The following CCDC7 variants were observed in gnomAD, a reference collection of about 807,000 sequenced individuals.
CCDC7 encodes coiled-coil domain containing 7.
Under a neutral mutation model 196.9 loss-of-function variants are expected in CCDC7, and 183 were observed. The observed-to-expected ratio is 0.93, with a 90% CI of 0.82 to 1.05. CCDC7 has a LOEUF of 1.05. Among genes scored for constraint, CCDC7 ranks in the 50% least tolerant of loss-of-function variants. The pLI is 0.00. For missense variants in CCDC7, 1,540 were observed against 1,482.2 expected (o/e 1.04, Z -0.64); for synonymous variants, 525 against 484.6 (o/e 1.08, Z -1.10).
At position 32,474,926 on chromosome 10, in the gene CCDC7, G is replaced by T. The variant is rs2038688491; in HGVS notation, c.796+903G>T. ...GGAATTCTGCCCTCTTTCAACTTCA[G>T]CTTTAAACCCAAACGTTGCCATGTT... On this transcript the variant is annotated intron_variant, in intron 8 of 41. Transcript: ENST00000639629. 3.3e-5 allele frequency among the ~76,000 whole-genome samples: 5 copies of T among 152,244 alleles called. No individual in the cohort carries two copies. The South Asian group carries it at 1.0e-3, about 32-fold the overall frequency.
At chr10:32,807,216 A>T (rs1338488936) in intron 30 of CCDC7, among the ~76,000 whole-genome samples, 1 of 152,232 alleles carries the variant, frequency 6.6e-6, no homozygotes, top group Non-Finnish European at 1.5e-5. Flanking sequence ...CTGAAAGACC[A>T]TATAAATATA....
At chr10:32,603,178 TCATA>T (rs1477070727) in intron 18 of CCDC7, among the ~76,000 whole-genome samples, 4 of 151,634 alleles carry the variant, frequency 2.6e-5, no homozygotes, top group Non-Finnish European at 5.9e-5. Context: ...TTTTTTTAGC[TCATA>T]CATAAGAATG....
chr10:32,454,377 C>G (rs1038991714), intron 2 of CCDC7, among the ~76,000 whole-genome samples: 7 of 152,026 alleles, frequency 4.6e-5, no homozygotes, highest in African/African-American at 1.5e-4. Flanking sequence ...AGAACCAAAA[C>G]TAAAATCTGA....
At chr10:32,822,651 G>A (rs1355072706) in intron 31 of CCDC7, among the ~76,000 whole-genome samples, 2 of 152,042 alleles carry the variant, frequency 1.3e-5, no homozygotes, top group African/African-American at 2.4e-5. Flanking sequence ...AAGGAGTAAT[G>A]TTTCTGTATC....
chr10:32,839,409 A>G (rs1186241456), intron 33 of CCDC7, among the ~76,000 whole-genome samples: 1 of 151,962 alleles, frequency 6.6e-6, no homozygotes, highest in Non-Finnish European at 1.5e-5. Flanking sequence ...TAAAAATGAC[A>G]AAGAGGGACA....
chr10:32,833,974 C>T (rs960799438), intron 32 of CCDC7, among the ~76,000 whole-genome samples: 1 of 152,092 alleles, frequency 6.6e-6, no homozygotes, highest in Non-Finnish European at 1.5e-5. Flanking sequence ...GATGGCAAAG[C>T]TTCATAAATC....
At chr10:32,644,863 A>G (rs961520820) in intron 20 of CCDC7, among the ~76,000 whole-genome samples, 4 of 152,184 alleles carry the variant, frequency 2.6e-5, no homozygotes, top group African/African-American at 9.7e-5. Flanking sequence ...TTGCCCAGTT[A>G]CAGATCTGTC....
Position 32,597,027 on chromosome 10 carries a change from A to G in CCDC7, c.1801+12723A>G, listed in dbSNP as rs375461556. On this transcript the variant is annotated intron_variant, in intron 18 of 41. Coordinates refer to ENST00000639629, the Ensembl canonical transcript of CCDC7. ...CTTGGGGTTGCTCTTCTCAAGGAAT[A>G]TCTTTGTGGCGTTCTCTGTATTTCC... is the stretch of plus-strand genomic sequence containing the variant. Among the ~76,000 whole-genome samples the G allele has an allele frequency of 2.0e-5, 3 of 152,098 alleles. No individual in the cohort carries two copies. In the East Asian group the frequency reaches 5.8e-4, roughly 29 times the overall value.
chr10:32,776,136 T>C, intron 28 of CCDC7, among the ~76,000 whole-genome samples: 1 of 140,194 alleles, frequency 7.1e-6, no homozygotes, highest in East Asian at 2.1e-4. Flanking sequence ...TGTGGTGGGG[T>C]GGGGGAATGG....
intron 9 of CCDC7, chr10:32,511,254 T>TGG (rs1167793491): frequency 9.8e-5 from 58 of 593,882 alleles, no homozygotes; most frequent in Middle Eastern, 4.4e-4. Flanking sequence ...AATTATTCTG[T>TGG]GGGGGGCGGG....
intron 41 of CCDC7, among the ~76,000 whole-genome samples, chr10:32,860,832 AC>A (rs1195971234): frequency 6.6e-6 from 1 of 152,142 alleles, no homozygotes; most frequent in East Asian, 1.9e-4. Flanking sequence ...AGAATCAAAT[AC>A]CTAGGAATCC....
chr10:32,473,203 G>T (rs192026941), intron 7 of CCDC7, among the ~76,000 whole-genome samples: 1 of 152,090 alleles, frequency 6.6e-6, no homozygotes, highest in Non-Finnish European at 1.5e-5. Flanking sequence ...AATTTGCATT[G>T]GGTCCACAGA....
intron 18 of CCDC7, among the ~76,000 whole-genome samples, chr10:32,601,513 C>T (rs552485417): frequency 4.5e-4 from 68 of 152,274 alleles, no homozygotes; most frequent in Admixed American, 7.2e-4. Context: ...TTGGAGCTTT[C>T]TATTCCACCA....
chr10:32,699,191 C>A (rs980462075), intron 24 of CCDC7, among the ~76,000 whole-genome samples: 2 of 142,746 alleles, frequency 1.4e-5, no homozygotes, highest in African/African-American at 5.2e-5. Flanking sequence ...TCTCTTAATG[C>A]TAGCCCTCCC....
At chr10:32,552,617 A>G (rs575801425) in intron 13 of CCDC7, among the ~76,000 whole-genome samples, 6 of 152,130 alleles carry the variant, frequency 3.9e-5, no homozygotes, top group African/African-American at 1.4e-4. Flanking sequence ...TGGCTTGGTA[A>G]TGGCGAATTC....
intron 21 of CCDC7, among the ~76,000 whole-genome samples, chr10:32,667,219 T>A (rs2072980662): frequency 6.6e-6 from 1 of 152,214 alleles, no homozygotes; most frequent in Non-Finnish European, 1.5e-5. Flanking sequence ...TAGGTTTGTT[T>A]GATTTTTTCT....
At chr10:32,646,612 T>TG (rs1219125956) in intron 20 of CCDC7, among the ~76,000 whole-genome samples, 3 of 152,122 alleles carry the variant, frequency 2.0e-5, no homozygotes, top group Non-Finnish European at 2.9e-5. Flanking sequence ...GATAAAGGTG[T>TG]GGGGGGTTAC....
chr10:32,732,350 G>GGAGA, intron 28 of CCDC7, among the ~76,000 whole-genome samples: 1 of 152,050 alleles, frequency 6.6e-6, no homozygotes, highest in Non-Finnish European at 1.5e-5. Flanking sequence ...TAGTTTATAT[G>GGAGA]TTCAATCACA....
intron 17 of CCDC7, among the ~76,000 whole-genome samples, chr10:32,583,639 A>C (rs2058954456): frequency 6.6e-6 from 1 of 152,114 alleles, no homozygotes; most frequent in Non-Finnish European, 1.5e-5. Flanking sequence ...AAATTTTTAT[A>C]CAATAAGATG....
Sources: gnomAD v4.1 joint callset for allele counts (sites outside exome capture counted in the v4.1 genomes callset) on GRCh38, gnomAD v4.1.1 for gene constraint, MANE v1.5 for transcripts, NCBI Gene and HGNC (gene_info 2026-07-23, HGNC 2026-07-21) for gene names.